CPXM2: variants seen among roughly 807,000 people sequenced by gnomAD.
CPXM2 encodes inactive carboxypeptidase-like protein X2.
Under a neutral mutation model 86.1 loss-of-function variants are expected in CPXM2, and 66 were observed. The ratio of observed to expected loss-of-function variants is 0.77; its 90% CI spans 0.63 to 0.94. The LOEUF (loss-of-function observed/expected upper bound fraction) is 0.94, where lower values mean the gene tolerates loss of function less well. Among genes scored for constraint, CPXM2 ranks in the 40% least tolerant of loss-of-function variants. The probability of loss-of-function intolerance (pLI) is 0.00; values close to 1 mark genes in which losing one functional copy is unlikely to be tolerated. For missense variants in CPXM2, 948 were observed against 1,026.3 expected, an observed-to-expected ratio of 0.92 and a Z score of 1.04; for synonymous variants, 388 against 400.2, an observed-to-expected ratio of 0.97 and a Z score of 0.36.
intron 4 of CPXM2, among the ~76,000 whole-genome samples, chr10:123,808,451 C>T (rs981943843): frequency 7.9e-5 from 12 of 152,040 alleles, no homozygotes; most frequent in African/African-American, 2.9e-4. Flanking sequence ...GCCAGGGTCG[C>T]CCCAGGGAAA....
intron 4 of CPXM2, among the ~76,000 whole-genome samples, chr10:123,807,694 A>G (rs1327595654): frequency 1.3e-5 from 2 of 152,222 alleles, no homozygotes; most frequent in African/African-American, 2.4e-5. Flanking sequence ...AGGTTCGTGA[A>G]TGAACATAGT....
intron 2 of CPXM2, among the ~76,000 whole-genome samples, chr10:123,915,631 C>G (rs7093378): frequency 0.35 from 53,386 of 151,944 alleles, 9,765 homozygotes; most frequent in Middle Eastern, 0.55. Context: ...TCAGACAACT[C>G]ATCATTTCTT....
chr10:123,893,914 ACC>A (rs1262905756), upstream of CPXM2, among the ~76,000 whole-genome samples: 7 of 152,088 alleles, frequency 4.6e-5, no homozygotes, highest in African/African-American at 1.7e-4. Context: ...CTCCATCAGA[ACC>A]CCCAGAGCTT....
intron 4 of CPXM2, among the ~76,000 whole-genome samples, chr10:123,835,170 C>A (rs1848253313): frequency 6.6e-6 from 1 of 152,184 alleles, no homozygotes; most frequent in African/African-American, 2.4e-5. Flanking sequence ...AGGCCCACAG[C>A]AAGGGGGCCT....
rs529417929 is a variant in CPXM2 at position 123,804,686 on chromosome 10, TTCTTG to T, written c.654-5492_654-5488del. Reference sequence around the variant, plus strand: ...CAGTCATTAGGTCCTCTATTTCTTCTTCTTGTCTTATTATACTGGCTAAGATGTTC... The same window carrying T: ...CAGTCATTAGGTCCTCTATTTCTTCTTCTTATTATACTGGCTAAGATGTTC... On this transcript the variant is annotated intron_variant, in intron 4 of 13. Coordinates refer to ENST00000241305, the MANE Select transcript of CPXM2 (RefSeq NM_198148.3). Among the ~76,000 whole-genome samples the T allele has an allele frequency of 6.8e-3, 1,028 of 152,282 alleles. 16 individuals are homozygous for T. The highest frequency in any genetic ancestry group is 0.024 in the African/African-American group (981 of 41,558).
At chr10:123,850,495 T>A (rs1428003437) in intron 3 of CPXM2, among the ~76,000 whole-genome samples, 2 of 152,178 alleles carry the variant, frequency 1.3e-5, no homozygotes, top group African/African-American at 4.8e-5. Flanking sequence ...CATCCAACGT[T>A]GATGTGAATC....
intron 6 of CPXM2, among the ~76,000 whole-genome samples, chr10:123,790,118 T>TA (rs538696912): frequency 2.0e-5 from 3 of 151,728 alleles, no homozygotes; most frequent in Non-Finnish European, 2.9e-5. Flanking sequence ...GACTCCATCT[T>TA]AAAAAAAATT....
chr10:123,850,300 A>T (rs1848573887), intron 3 of CPXM2, among the ~76,000 whole-genome samples: 1 of 152,206 alleles, frequency 6.6e-6, no homozygotes, highest in African/African-American at 2.4e-5. Context: ...GTCAATGTGC[A>T]TGAGAATGTT....
At chr10:123,863,310 C>G (rs904183662) in intron 2 of CPXM2, among the ~76,000 whole-genome samples, 1 of 152,192 alleles carries the variant, frequency 6.6e-6, no homozygotes, top group Non-Finnish European at 1.5e-5. Flanking sequence ...TTTGCCCCCA[C>G]GCCCACCACA....
upstream of CPXM2, among the ~76,000 whole-genome samples, chr10:123,893,249 G>C (rs532213263): frequency 7.1e-4 from 108 of 152,292 alleles, no homozygotes; most frequent in Admixed American, 1.8e-3. Flanking sequence ...GTTCCTCTGG[G>C]TCTGTGATGT....
intron 4 of CPXM2, among the ~76,000 whole-genome samples, chr10:123,830,530 C>T (rs1472343577): frequency 6.6e-6 from 1 of 152,192 alleles, no homozygotes; most frequent in Non-Finnish European, 1.5e-5. Context: ...AGGGAAAGCA[C>T]TATTAAATCC....
chr10:123,892,257 G>A (rs1945289145), upstream of CPXM2, among the ~76,000 whole-genome samples: 2 of 152,168 alleles, frequency 1.3e-5, no homozygotes, highest in African/African-American at 4.8e-5. Flanking sequence ...CTGGGAATGA[G>A]GAATTCCTGA....
intron 2 of CPXM2, among the ~76,000 whole-genome samples, chr10:123,923,580 C>CA (rs774378580): frequency 0.068 from 8,227 of 120,906 alleles, 413 homozygotes; most frequent in East Asian, 0.3. Context: ...GACTCCGTCT[C>CA]AAAAAAAAAA....
intron 2 of CPXM2, among the ~76,000 whole-genome samples, chr10:123,870,634 C>T (rs1247643243): frequency 6.6e-6 from 1 of 152,206 alleles, no homozygotes; most frequent in Non-Finnish European, 1.5e-5. Context: ...CAGGGCCTCT[C>T]TCTGGGTCTT....
chr10:123,882,546 A>C (rs1945109531), intron 1 of CPXM2, among the ~76,000 whole-genome samples: 1 of 152,232 alleles, frequency 6.6e-6, no homozygotes, highest in East Asian at 1.9e-4. Flanking sequence ...AAAAGGAAAG[A>C]AAAAAATTTC....
Position 123,746,657 on chromosome 10 carries a change from C to A in CPXM2, c.*107G>T. On this transcript the variant is annotated 3_prime_UTR_variant, in exon 14 of 14. Coordinates refer to ENST00000241305, the MANE Select transcript of CPXM2 (RefSeq NM_198148.3). The stretch of plus-strand genomic sequence containing the variant: ...CACAATGCACCCTCTCTTCCAGGCA[C>A]TTCTTGAATTACAGAGGAAACAACA... 2 of 1,111,368 alleles carry A rather than the reference C, an allele frequency of 1.8e-6. No individual in the cohort carries two copies. The allele number at this position is 1,111,368 out of a possible 1,614,324, so 68.8% of individuals were successfully genotyped here. A position where few individuals can be genotyped will look rare whatever the true frequency, so the allele number is the denominator to read the frequency against.
chr10:123,909,875 G>T (rs1945473944), intron 2 of CPXM2, among the ~76,000 whole-genome samples: 1 of 152,148 alleles, frequency 6.6e-6, no homozygotes, highest in Non-Finnish European at 1.5e-5. Flanking sequence ...ATGGAGCAGT[G>T]CCCTCAACAC....
chr10:123,937,470 A>AAC (rs201368456), intron 2 of CPXM2, among the ~76,000 whole-genome samples: 11,794 of 132,326 alleles, frequency 0.089, 600 homozygotes, highest in East Asian at 0.17. Flanking sequence ...ACAACAAAAC[A>AAC]ACACACACAC....
At position 123,881,228 on chromosome 10, in the gene CPXM2, CT is replaced by C. The variant is rs1564811032; in HGVS notation, c.305-920del. On this transcript the variant is annotated intron_variant, in intron 1 of 13. Coordinates refer to ENST00000241305, the MANE Select transcript of CPXM2 (RefSeq NM_198148.3). ...ATGTTGTTCCTTCTCCTGGAGCACCCTTCTCTTCCCTTCCCTTCCCTTCCCT... is the reference window on the plus strand; with the variant it reads ...ATGTTGTTCCTTCTCCTGGAGCACCCTCTCTTCCCTTCCCTTCCCTTCCCT... Among the ~76,000 whole-genome samples the C allele has an allele frequency of 2.1e-3, 194 of 93,952 alleles. 40 individuals are homozygous for C. The highest frequency in any genetic ancestry group is 9.3e-3 in the Middle Eastern group (2 of 214). 61.6% of individuals were successfully genotyped at this position (93,952 alleles called of 152,430 possible).
Sources: allele counts gnomAD v4.1 joint callset (sites outside exome capture counted in the v4.1 genomes callset), GRCh38; gene constraint gnomAD v4.1.1; transcripts MANE v1.5; gene names NCBI Gene and HGNC (gene_info 2026-07-23, HGNC 2026-07-21).